The following MYO18B variants were observed in gnomAD, a reference collection of about 807,000 sequenced individuals.
MYO18B encodes myosin XVIIIB, also known as unconventional myosin-XVIIIb.
Under a neutral mutation model 273.0 loss-of-function variants are expected in MYO18B, and 204 were observed. That is an observed-to-expected ratio of 0.75 (90% CI 0.67 to 0.84). The LOEUF (loss-of-function observed/expected upper bound fraction) is 0.84, where lower values mean the gene tolerates loss of function less well. Ranked by LOEUF, MYO18B falls within the 40% of genes least tolerant of loss-of-function variation. MYO18B has a pLI of 0.00. For synonymous variants in MYO18B, 1,330 were observed against 1,305.7 expected (o/e 1.02, Z -0.40); for missense variants, 3,212 against 3,287.6 (o/e 0.98, Z 0.56).
At chr22:25,875,532 G>A (rs1782691126) in intron 23 of MYO18B, among the ~76,000 whole-genome samples, 1 of 151,964 alleles carries the variant, frequency 6.6e-6, no homozygotes, top group African/African-American at 2.4e-5. Context: ...AGAATGAAGC[G>A]GGTCAATGCT....
At chr22:25,890,698 G>A in intron 25 of MYO18B, 58 bp from the exon 26 acceptor site, 2 of 1,597,780 alleles carry the variant, frequency 1.3e-6, no homozygotes, top group Middle Eastern at 1.7e-4. Flanking sequence ...CATGGGGAGA[G>A]AAGGGTTGGT....
chr22:25,777,702 C>G lies in MYO18B; in HGVS notation c.1989C>G (p.Gly663=). The change falls in exon 8 of 44, where the codon GGC becomes GGG. Residue 663 remains glycine (G), a synonymous_variant. Transcript: ENST00000335473. ...DQSIVALGWS[G]AGKTTCCEQV... is the part of the protein sequence containing the mutation. ...GCATTGTGGCCCTGGGCTGGAGTGG[C>G]GCTGGGAAGACCACCTGCTGTGAGC... 6.2e-7 allele frequency: 1 copy of G among 1,612,526 alleles called. No individual in the cohort carries two copies. Among genetic ancestry groups the G allele is most frequent in the Non-Finnish European group, 8.5e-7 (1 of 1,179,160 alleles).
intron 7 of MYO18B, among the ~76,000 whole-genome samples, chr22:25,776,884 A>G (rs1367745097): frequency 6.9e-6 from 1 of 145,784 alleles, no homozygotes; most frequent in African/African-American, 2.5e-5. Flanking sequence ...CAGCATTCCC[A>G]TTGGCATTGT....
At chr22:25,954,438 TAA>T (rs59409717) in intron 38 of MYO18B, among the ~76,000 whole-genome samples, 1 of 143,452 alleles carries the variant, frequency 7.0e-6, no homozygotes. Context: ...TAGGAGCTGC[TAA>T]AAAAAAAAAA....
chr22:25,856,789 G>T (rs902666272), intron 21 of MYO18B, among the ~76,000 whole-genome samples: 1 of 152,194 alleles, frequency 6.6e-6, no homozygotes, highest in African/African-American at 2.4e-5. Context: ...CAAATTCTGG[G>T]TTCTTGTTAG....
chr22:25,918,740 A>G (rs1191163179), intron 33 of MYO18B, among the ~76,000 whole-genome samples: 1 of 152,244 alleles, frequency 6.6e-6, no homozygotes, highest in Non-Finnish European at 1.5e-5. Context: ...CAGGAGAATT[A>G]AAGGCACTTT....
chr22:26,055,541 C>T, the MYO18B span, among the ~76,000 whole-genome samples: 4 of 152,138 alleles, frequency 2.6e-5, no homozygotes, highest in Non-Finnish European at 5.9e-5. Flanking sequence ...GAAAACAACT[C>T]CCTTTGGACT....
intron 11 of MYO18B, among the ~76,000 whole-genome samples, chr22:25,792,410 T>A (rs1373635591): frequency 6.6e-6 from 1 of 150,386 alleles, no homozygotes; most frequent in African/African-American, 2.4e-5. Context: ...GGCTGTGGAC[T>A]GACACCTGTC....
intron 25 of MYO18B, among the ~76,000 whole-genome samples, chr22:25,887,171 C>T (rs979080198): frequency 2.0e-5 from 3 of 152,106 alleles, no homozygotes; most frequent in African/African-American, 4.8e-5. Context: ...CCGTGTGTGC[C>T]CCTGTGGTTT....
intron 42 of MYO18B, among the ~76,000 whole-genome samples, chr22:26,025,278 G>C (rs988929748): frequency 1.2e-4 from 18 of 152,150 alleles, no homozygotes; most frequent in African/African-American, 4.3e-4. Context: ...AGATTCAAAA[G>C]CCCATTGGGT....
In MYO18B at chr22:25,903,776, T is replaced by C. The variant is rs750573078; in HGVS notation, c.5093T>C (p.Leu1698Pro). 42 of 1,603,996 alleles carry C rather than the reference T, an allele frequency of 2.6e-5. 2 individuals carry two copies. In the South Asian group the frequency reaches 4.6e-4, roughly 18 times the overall value. Residue 1698 changes from leucine to proline, a missense_variant, in exon 31 of 44, where the codon CTT becomes CCT. Transcript: ENST00000335473. ...CTCTGGAAGTTGGAATCCAGCGCCC[T>C]TGAGCAACAGAAAATCCAGAGCCAG... Reference protein sequence around the residue: ...ERLWKLESSALEQQKIQSQQE... With the variant: ...ERLWKLESSAPEQQKIQSQQE...
At chr22:25,977,695 G>C (rs982944246) in intron 39 of MYO18B, among the ~76,000 whole-genome samples, 1 of 152,176 alleles carries the variant, frequency 6.6e-6, no homozygotes, top group Non-Finnish European at 1.5e-5. Context: ...AGACCCCCCA[G>C]GTTGGCATAT....
At chr22:25,958,766 G>A (rs1046816915) in intron 39 of MYO18B, among the ~76,000 whole-genome samples, 1 of 152,052 alleles carries the variant, frequency 6.6e-6, no homozygotes, top group Non-Finnish European at 1.5e-5. Flanking sequence ...ACTCTCCCTG[G>A]CTTCTGAAGA....
intron 12 of MYO18B, among the ~76,000 whole-genome samples, chr22:25,801,288 GT>G (rs1331864293): frequency 1.3e-5 from 2 of 152,148 alleles, no homozygotes; most frequent in Non-Finnish European, 2.9e-5. Context: ...TTTTTGAACT[GT>G]TATAGCAATG....
intron 39 of MYO18B, among the ~76,000 whole-genome samples, chr22:25,972,986 A>T (rs1365286835): frequency 6.7e-6 from 1 of 150,188 alleles, no homozygotes; most frequent in African/African-American, 2.4e-5. Context: ...AAGAGATAGG[A>T]TCTCCTCCCA....
At chr22:25,835,544 G>A (rs2089867881) in intron 17 of MYO18B, 101 bp downstream of exon 17, 2 of 1,442,208 alleles carry the variant, frequency 1.4e-6, no homozygotes, top group African/African-American at 2.8e-5. Context: ...CCTGCACAGA[G>A]GCTCCAACGT....
chr22:25,927,348 T>A (rs947151667), intron 34 of MYO18B, among the ~76,000 whole-genome samples: 3 of 152,156 alleles, frequency 2.0e-5, no homozygotes, highest in African/African-American at 7.2e-5. Context: ...GGTATAGGCT[T>A]ATAAACAGCC....
chr22:26,063,445 T>C, the MYO18B span, among the ~76,000 whole-genome samples: 308 of 152,214 alleles, frequency 2.0e-3, 1 homozygote, highest in African/African-American at 7.2e-3. Context: ...ATTAGCCCCA[T>C]TCTTCAGAGG....
the MYO18B span, among the ~76,000 whole-genome samples, chr22:26,038,776 A>T: frequency 2.0e-5 from 3 of 152,142 alleles, no homozygotes; most frequent in African/African-American, 7.2e-5. Flanking sequence ...CTGACCTTGT[A>T]TCTTATCTTT....
Sources: gnomAD v4.1 joint callset for allele counts (sites outside exome capture counted in the v4.1 genomes callset) on GRCh38, gnomAD v4.1.1 for gene constraint, MANE v1.5 for transcripts, NCBI Gene and HGNC (gene_info 2026-07-23, HGNC 2026-07-21) for gene names.